RIMS1: variants seen among roughly 807,000 people sequenced by gnomAD.
RIMS1 encodes regulating synaptic membrane exocytosis protein 1.
Under a neutral mutation model 214.1 loss-of-function variants are expected in RIMS1, and 83 were observed. The ratio of observed to expected loss-of-function variants is 0.39; its 90% CI spans 0.32 to 0.47. The LOEUF is 0.47. Ranked by LOEUF, RIMS1 falls within the 20% of genes least tolerant of loss-of-function variation. The probability of loss-of-function intolerance (pLI) is 0.99; values close to 1 mark genes in which losing one functional copy is unlikely to be tolerated. For missense variants in RIMS1, 2,050 were observed against 2,161.8 expected, an observed-to-expected ratio of 0.95 and a Z score of 1.03; for synonymous variants, 793 against 786.8, an observed-to-expected ratio of 1.01 and a Z score of -0.13.
At position 72,247,871 on chromosome 6, in the gene RIMS1, TA is replaced by T. The variant is rs1384405792; in HGVS notation, c.2129-141del. 22 of 616,158 alleles carry T rather than the reference TA, an allele frequency of 3.6e-5. No homozygotes were observed. In the African/African-American group the frequency reaches 3.7e-4, roughly 10 times the overall value. The allele number at this position is 616,158 out of a possible 1,614,324, so 38.2% of individuals were successfully genotyped here. A position where few individuals can be genotyped will look rare whatever the true frequency, so the allele number is the denominator to read the frequency against. ...TCTTAATATTTTTTAAATAGACAAC[TA>T]AAGACAATCTATCCCATTAAAAGTA... is the stretch of plus-strand genomic sequence containing the variant. On this transcript the variant is annotated intron_variant, in intron 11 of 33. Transcript: ENST00000521978.
At chr6:72,246,154 C>A (rs936377948) in intron 11 of RIMS1, among the ~76,000 whole-genome samples, 1 of 152,068 alleles carries the variant, frequency 6.6e-6, no homozygotes, top group Non-Finnish European at 1.5e-5. Context: ...AGGAATAGTT[C>A]TAGTTACATT....
intron 1 of RIMS1, among the ~76,000 whole-genome samples, chr6:71,904,271 G>A (rs1353586253): frequency 2.0e-5 from 3 of 152,114 alleles, no homozygotes; most frequent in Admixed American, 6.6e-5. Context: ...GGAGATTATT[G>A]TGCAAGACGC....
intron 1 of RIMS1, among the ~76,000 whole-genome samples, chr6:71,933,296 C>T (rs575258021): frequency 3.3e-5 from 5 of 152,248 alleles, no homozygotes; most frequent in South Asian, 2.1e-4. Context: ...GTTTTCACCT[C>T]GGCATTCATC....
In RIMS1 at chr6:72,264,967, CG is replaced by C. The variant is rs767159842; in HGVS notation, c.3117-7del. The C allele has an allele frequency of 6.4e-7, 1 of 1,567,118 alleles. No homozygotes were observed. The highest frequency in any genetic ancestry group is 2.3e-5 in the East Asian group (1 of 43,710). On this transcript the variant is annotated splice_polypyrimidine_tract_variant and splice_region_variant and intron_variant, in intron 19 of 33. Coordinates refer to ENST00000521978, the MANE Select transcript of RIMS1 (RefSeq NM_014989.7). ...TGTTTCCTGCGTGTTTGTGTTGCTA[CG>C]TTCCAGACATCTTGTTAGGCACTAT...
intron 4 of RIMS1, among the ~76,000 whole-genome samples, chr6:72,175,920 T>C (rs1182567325): frequency 6.6e-6 from 1 of 152,186 alleles, no homozygotes; most frequent in Admixed American, 6.5e-5. Flanking sequence ...AAAATTCCTA[T>C]GGGTTTTATA....
chr6:71,946,115 G>T (rs563264144), intron 1 of RIMS1, among the ~76,000 whole-genome samples: 1 of 152,210 alleles, frequency 6.6e-6, no homozygotes. Flanking sequence ...AACCAAGAAG[G>T]TGAAAGATCT....
intron 27 of RIMS1, among the ~76,000 whole-genome samples, chr6:72,312,909 T>C (rs2095583929): frequency 6.6e-6 from 1 of 152,186 alleles, no homozygotes; most frequent in Non-Finnish European, 1.5e-5. Flanking sequence ...CCCAAAATGC[T>C]TGGGACCAGA....
intron 1 of RIMS1, among the ~76,000 whole-genome samples, chr6:71,939,092 G>T (rs965159974): frequency 6.6e-6 from 1 of 152,096 alleles, no homozygotes; most frequent in African/African-American, 2.4e-5. Flanking sequence ...CTTAAATTAT[G>T]CACTCCATAA....
chr6:72,255,961 G>T (rs1442598775), intron 16 of RIMS1, among the ~76,000 whole-genome samples: 1 of 146,664 alleles, frequency 6.8e-6, no homozygotes, highest in Admixed American at 7.0e-5. Context: ...ACTTCAACAC[G>T]AGAGGCAGAG....
intron 2 of RIMS1, among the ~76,000 whole-genome samples, chr6:72,080,074 TAAAAAAAAAAAAAAAAAA>T (rs770845471): frequency 4.5e-5 from 1 of 22,400 alleles, no homozygotes; most frequent in Non-Finnish European, 8.6e-5. Flanking sequence ...GTGTCTCTAC[TAAAAAAAAAAAAAAAAAA>T]AAAAAAAAAA....
At chr6:71,932,442 T>C (rs1783325754) in intron 1 of RIMS1, among the ~76,000 whole-genome samples, 1 of 151,836 alleles carries the variant, frequency 6.6e-6, no homozygotes, top group African/African-American at 2.4e-5. Context: ...CATGAACACA[T>C]AGAGGGGAAC....
chr6:72,057,498 CTTTTTTT>C (rs56115719), intron 2 of RIMS1, among the ~76,000 whole-genome samples: 3 of 126,216 alleles, frequency 2.4e-5, no homozygotes, highest in Non-Finnish European at 3.3e-5. Flanking sequence ...CCTTCTTTTT[CTTTTTTT>C]TTTTTTTTTT....
In RIMS1 at chr6:72,179,564, T is replaced by C; in HGVS notation, c.472-11T>C. Reference sequence around the variant, plus strand: ...CATAAAAATTTATATTGTTCTTTCTTCTTCAAATAGGTTATGTGGGTATGC... The same window carrying C: ...CATAAAAATTTATATTGTTCTTTCTCCTTCAAATAGGTTATGTGGGTATGC... On this transcript the variant is annotated splice_polypyrimidine_tract_variant and intron_variant, in intron 4 of 33. Transcript: ENST00000521978. 6.3e-7 allele frequency: 1 copy of C among 1,598,942 alleles called. No individual in the cohort carries two copies. Among genetic ancestry groups the C allele is most frequent in the Non-Finnish European group, 8.6e-7 (1 of 1,169,344 alleles).
intron 1 of RIMS1, among the ~76,000 whole-genome samples, chr6:71,901,931 G>A (rs1235667468): frequency 6.6e-6 from 1 of 152,080 alleles, no homozygotes; most frequent in Admixed American, 6.6e-5. Flanking sequence ...ATTGGAATGG[G>A]TAGAATGGGA....
chr6:72,004,511 C>T (rs1268462073), intron 2 of RIMS1, among the ~76,000 whole-genome samples: 1 of 151,222 alleles, frequency 6.6e-6, no homozygotes, highest in African/African-American at 2.4e-5. Context: ...TCCTATTTCT[C>T]CACATCCTCT....
At chr6:72,205,664 C>G (rs9360539) in intron 6 of RIMS1, among the ~76,000 whole-genome samples, 4 of 152,102 alleles carry the variant, frequency 2.6e-5, no homozygotes, top group African/African-American at 9.7e-5. Flanking sequence ...CAATCATTAC[C>G]TCTAACTGAC....
intron 1 of RIMS1, among the ~76,000 whole-genome samples, chr6:71,931,798 A>T (rs910574193): frequency 2.6e-5 from 4 of 151,926 alleles, no homozygotes; most frequent in Non-Finnish European, 4.4e-5. Flanking sequence ...TGCTTTTGGC[A>T]TCTTTGTCAT....
chr6:72,033,881 G>T (rs931799862), intron 2 of RIMS1, among the ~76,000 whole-genome samples: 4 of 152,100 alleles, frequency 2.6e-5, no homozygotes, highest in Admixed American at 6.6e-5. Context: ...CTCTGAGAGG[G>T]TTGGTTTATA....
intron 4 of RIMS1, among the ~76,000 whole-genome samples, chr6:72,130,245 A>G (rs1050460630): frequency 2.0e-5 from 3 of 152,156 alleles, no homozygotes; most frequent in African/African-American, 7.2e-5. Context: ...AATATGTTGA[A>G]TGACATTTAC....
Sources: allele counts gnomAD v4.1 joint callset (sites outside exome capture counted in the v4.1 genomes callset), GRCh38; gene constraint gnomAD v4.1.1; transcripts MANE v1.5; gene names NCBI Gene and HGNC (gene_info 2026-07-23, HGNC 2026-07-21).